The following MCU variants were observed in gnomAD, a reference collection of about 807,000 sequenced individuals.
The protein encoded by MCU is calcium uniporter protein, mitochondrial.
In MCU, 12 loss-of-function variants were observed where a neutral mutation model predicts 45.2. The observed-to-expected ratio is 0.27, with a 90% CI of 0.17 to 0.43. The LOEUF is 0.43. Among genes scored for constraint, MCU ranks in the 20% least tolerant of loss-of-function variants. The pLI is 1.00. For synonymous variants in MCU, 160 were observed against 165.1 expected, an observed-to-expected ratio of 0.97 and a Z score of 0.24; for missense variants, 324 against 436.7, an observed-to-expected ratio of 0.74 and a Z score of 2.30.
chr10:72,836,280 C>T (rs1256954338), intron 2 of MCU, among the ~76,000 whole-genome samples: 1 of 152,048 alleles, frequency 6.6e-6, no homozygotes, highest in Non-Finnish European at 1.5e-5. Context: ...TAAAGAATAT[C>T]AACCAAGTCA....
chr10:72,712,984 T>G (rs1429130908), intron 1 of MCU, among the ~76,000 whole-genome samples: 1 of 152,182 alleles, frequency 6.6e-6, no homozygotes, highest in East Asian at 1.9e-4. Flanking sequence ...TTCCAGGGAC[T>G]GTCGCTACGG....
At chr10:72,878,258 C>G (rs1468277988) in intron 6 of MCU, among the ~76,000 whole-genome samples, 1 of 151,390 alleles carries the variant, frequency 6.6e-6, no homozygotes, top group Non-Finnish European at 1.5e-5. Context: ...GCTGGGACTA[C>G]AAGCACATAT....
chr10:72,710,570 T>TTTG (rs1197357974), intron 1 of MCU, among the ~76,000 whole-genome samples: 1 of 148,400 alleles, frequency 6.7e-6, no homozygotes, highest in African/African-American at 2.5e-5. Context: ...TTTTTTTTTT[T>TTTG]GGTGGAGGTG....
At chr10:72,720,561 C>T (rs878925273) in intron 1 of MCU, among the ~76,000 whole-genome samples, 5 of 152,204 alleles carry the variant, frequency 3.3e-5, no homozygotes, top group Admixed American at 3.3e-4. Context: ...TCCTTCAAGG[C>T]ACAGCTCAAG....
intron 2 of MCU, among the ~76,000 whole-genome samples, chr10:72,844,610 G>A (rs1470557231): frequency 1.3e-5 from 2 of 152,026 alleles, no homozygotes; most frequent in South Asian, 2.1e-4. Context: ...ATATTTTTGC[G>A]GTAATGTATA....
At chr10:72,781,956 C>G (rs1030187547) in intron 1 of MCU, among the ~76,000 whole-genome samples, 2 of 152,132 alleles carry the variant, frequency 1.3e-5, no homozygotes, top group Non-Finnish European at 2.9e-5. Context: ...TCCTTTTCAT[C>G]TTCATCAGAT....
chr10:72,765,341 G>A (rs1458391061), intron 1 of MCU, among the ~76,000 whole-genome samples: 1 of 152,112 alleles, frequency 6.6e-6, no homozygotes, highest in Non-Finnish European at 1.5e-5. Flanking sequence ...GTAATGAGTA[G>A]AAGGGAAAGG....
chr10:72,866,462 A>G (rs1466373241), intron 4 of MCU, among the ~76,000 whole-genome samples: 1 of 151,922 alleles, frequency 6.6e-6, no homozygotes, highest in Non-Finnish European at 1.5e-5. Flanking sequence ...CAGTGGCGCA[A>G]TCTCGGCTTA....
At chr10:72,715,969 C>T (rs1333518244) in intron 1 of MCU, 1 of 821,104 alleles carries the variant, frequency 1.2e-6, no homozygotes, top group Non-Finnish European at 1.5e-6. Flanking sequence ...TTGGTGTGAA[C>T]TCATGTGGTT....
intron 1 of MCU, among the ~76,000 whole-genome samples, chr10:72,696,653 A>G (rs1842691326): frequency 6.6e-6 from 1 of 152,188 alleles, no homozygotes; most frequent in South Asian, 2.1e-4. Context: ...GAGATAAAGC[A>G]ATGATGTGTA....
At chr10:72,765,482 G>A (rs1843712591) in intron 1 of MCU, among the ~76,000 whole-genome samples, 2 of 151,640 alleles carry the variant, frequency 1.3e-5, no homozygotes, top group African/African-American at 4.8e-5. Flanking sequence ...TATTATTAAG[G>A]CAAATACCTC....
chr10:72,867,202 A>C (rs921807350), intron 4 of MCU, among the ~76,000 whole-genome samples: 3 of 151,898 alleles, frequency 2.0e-5, no homozygotes, highest in African/African-American at 7.3e-5. Context: ...TGTTTGAAAT[A>C]TGTGGTTAAT....
At chr10:72,805,718 A>G (rs973436611) in intron 1 of MCU, among the ~76,000 whole-genome samples, 1 of 152,116 alleles carries the variant, frequency 6.6e-6, no homozygotes, top group South Asian at 2.1e-4. Context: ...AGTCATCTAT[A>G]TATTTACCCA....
At chr10:72,726,735 A>G (rs1037334551) in intron 1 of MCU, among the ~76,000 whole-genome samples, 3 of 152,216 alleles carry the variant, frequency 2.0e-5, no homozygotes, top group African/African-American at 7.2e-5. Flanking sequence ...CTCAACCCAT[A>G]TTTAATAATT....
intron 1 of MCU, among the ~76,000 whole-genome samples, chr10:72,723,592 CAAA>C (rs1843053005): frequency 6.6e-6 from 1 of 152,002 alleles, no homozygotes; most frequent in South Asian, 2.1e-4. Context: ...GAAGATGACT[CAAA>C]GAAGAAAAAA....
At chr10:72,872,413 C>T (rs1001996961) in intron 6 of MCU, among the ~76,000 whole-genome samples, 3 of 152,192 alleles carry the variant, frequency 2.0e-5, no homozygotes, top group African/African-American at 4.8e-5. Context: ...CTCCTCTACC[C>T]TTCCCAGCCT....
intron 1 of MCU, among the ~76,000 whole-genome samples, chr10:72,738,888 G>T (rs1843286431): frequency 6.6e-6 from 1 of 152,078 alleles, no homozygotes; most frequent in African/African-American, 2.4e-5. Flanking sequence ...TTTTGTGTGG[G>T]ATATCCTCCT....
At chr10:72,812,599 G>A (rs1844562148) in intron 1 of MCU, among the ~76,000 whole-genome samples, 1 of 152,182 alleles carries the variant, frequency 6.6e-6, no homozygotes, top group Non-Finnish European at 1.5e-5. Flanking sequence ...GAACCTCAGG[G>A]ATGGTCTCTA....
chr10:72,872,437 T>C (rs1056967375), intron 6 of MCU, among the ~76,000 whole-genome samples: 4 of 152,174 alleles, frequency 2.6e-5, no homozygotes, highest in Admixed American at 2.0e-4. Context: ...GTAAACATTA[T>C]TCTCCTCTCT....
Sources: gnomAD v4.1 joint callset for allele counts (sites outside exome capture counted in the v4.1 genomes callset) on GRCh38, gnomAD v4.1.1 for gene constraint, MANE v1.5 for transcripts, NCBI Gene and HGNC (gene_info 2026-07-23, HGNC 2026-07-21) for gene names.